The following SDR9C7 variants were observed in gnomAD, a reference collection of about 807,000 sequenced individuals.
SDR9C7 encodes short chain dehydrogenase/reductase family 9C member 7.
Under a neutral mutation model 23.6 loss-of-function variants are expected in SDR9C7, and 11 were observed. That is an observed-to-expected ratio of 0.47 (90% CI 0.29 to 0.77). SDR9C7 has a LOEUF of 0.77. SDR9C7 is among the 30% of genes least tolerant of loss of function. The pLI is 0.09. For synonymous variants in SDR9C7, 167 were observed against 157.3 expected, an observed-to-expected ratio of 1.06 and a Z score of -0.46; for missense variants, 387 against 407.1, an observed-to-expected ratio of 0.95 and a Z score of 0.42.
Position 56,930,450 on chromosome 12 carries a change from G to A in SDR9C7, c.336C>T (p.Gly112=). ...GCCATTCGTTGGGACCACTGGGCAG[G>A]CCCACACCAGCATTGTTCACCAGGG... The part of the protein sequence containing the change: ...LWALVNNAGV[G]LPSGPNEWLT... The change falls in exon 2 of 4, where the codon GGC becomes GGT. Residue 112 remains glycine (G), a synonymous_variant. Coordinates refer to ENST00000293502, the MANE Select transcript of SDR9C7 (RefSeq NM_148897.3). The A allele has an allele frequency of 1.2e-6, 2 of 1,614,080 alleles. No homozygotes were observed. The highest frequency in any genetic ancestry group is 1.7e-6 in the Non-Finnish European group (2 of 1,179,984).
intron 2 of SDR9C7, among the ~76,000 whole-genome samples, chr12:56,929,995 C>T (rs1443892788): frequency 6.6e-6 from 1 of 152,240 alleles, no homozygotes; most frequent in Non-Finnish European, 1.5e-5. Flanking sequence ...GTTTCACTCA[C>T]CCTGGTGCCG....
At position 56,923,812 on chromosome 12, in the gene SDR9C7, G is replaced by A. The variant is rs767390384; in HGVS notation, c.*21C>T. 1.3e-6 allele frequency: 2 copies of A among 1,545,904 alleles called. No homozygotes were observed. The highest frequency in any genetic ancestry group is 1.2e-5 in the South Asian group (1 of 83,338). ...TCCTCCCCCACTTCTAGGCTCCACT[G>A]ACCCATTGATCCTCCCCAGTTTAGA... On this transcript the variant is annotated 3_prime_UTR_variant, in exon 4 of 4. Transcript: ENST00000293502.
At chr12:56,927,583 G>C (rs1955742724) in intron 3 of SDR9C7, among the ~76,000 whole-genome samples, 1 of 152,212 alleles carries the variant, frequency 6.6e-6, no homozygotes, top group African/African-American at 2.4e-5. Flanking sequence ...GCAGTGATTG[G>C]TTTAGGGTTG....
In SDR9C7 at chr12:56,930,165, C is replaced by T. The variant is rs1955759209; in HGVS notation, c.560+61G>A. 4.4e-6 allele frequency: 7 copies of T among 1,585,900 alleles called. No homozygotes were observed. The South Asian group carries it at 8.0e-5, about 18-fold the overall frequency. ...TTCCCCTGCCCACATGCTGTCACTC[C>T]CAACCCTCTCTAATCTCTGGGATTT... On this transcript the variant is annotated intron_variant, in intron 2 of 3. Coordinates refer to ENST00000293502, the MANE Select transcript of SDR9C7 (RefSeq NM_148897.3).
rs751917282 is a variant in SDR9C7 at position 56,934,119 on chromosome 12, C to T, written c.143G>A (p.Arg48Gln). 54 of 1,614,102 alleles carry T rather than the reference C, an allele frequency of 3.3e-5. No homozygotes were observed. The highest frequency in any genetic ancestry group is 4.2e-5 in the Non-Finnish European group (49 of 1,180,052). The change falls in exon 1 of 4, where the codon CGG (arginine) becomes CAG (glutamine). Residue 48 changes from arginine to glutamine, a missense_variant. By Grantham distance (43) the Arg-to-Gln change is conservative. Transcript: ENST00000293502. ...GNLLAKQLVD[R>Q]GMQVLAACFT... ...GCAAGCAGCCAGCACCTGCATGCCC[C>T]GATCAACCAGCTGTTTGGCCAGCAG... is the stretch of plus-strand genomic sequence containing the variant.
At chr12:56,926,320 T>C (rs1555159120) in intron 3 of SDR9C7, among the ~76,000 whole-genome samples, 3 of 152,210 alleles carry the variant, frequency 2.0e-5, no homozygotes, top group Non-Finnish European at 4.4e-5. Context: ...TACAACTTCA[T>C]GTCTTTATCG....
At chr12:56,924,867 C>A (rs1458339656) in intron 3 of SDR9C7, among the ~76,000 whole-genome samples, 1 of 151,980 alleles carries the variant, frequency 6.6e-6, no homozygotes, top group Non-Finnish European at 1.5e-5. Flanking sequence ...GTTGCAGTGA[C>A]CCAAGATCGC....
At position 56,934,181 on chromosome 12, in the gene SDR9C7, G is replaced by A. The variant is rs747363628; in HGVS notation, c.81C>T (p.Tyr27=). The change falls in exon 1 of 4, where the codon TAC becomes TAT. Residue 27 remains tyrosine, a synonymous_variant. Transcript: ENST00000293502. The stretch of plus-strand genomic sequence containing the variant: ...CAGAGTCACAGCCTGTGATGAAGAC[G>A]TACTTCTCTGAGAGGTTGCCAACCA... The part of the protein sequence containing the change: ...CNLVGNLSEK[Y]VFITGCDSGF... 50 of 1,614,090 alleles carry A rather than the reference G, an allele frequency of 3.1e-5. No individual in the cohort carries two copies. Among genetic ancestry groups the A allele is most frequent in the East Asian group, 4.5e-5 (2 of 44,886 alleles).
At chr12:56,930,584 G>T in intron 1 of SDR9C7, 100 bp from the exon 2 acceptor site, 2 of 1,348,410 alleles carry the variant, frequency 1.5e-6, no homozygotes, top group South Asian at 2.7e-5. Context: ...GGTTGAGCAG[G>T]TGCACAAGAC....
chr12:56,928,847 G>A (rs550577129), intron 3 of SDR9C7, among the ~76,000 whole-genome samples: 1 of 152,242 alleles, frequency 6.6e-6, no homozygotes, highest in East Asian at 1.9e-4. Context: ...GAGTTGCCTA[G>A]AGACCCTCCC....
chr12:56,931,817 C>T (rs1273094067), intron 1 of SDR9C7, among the ~76,000 whole-genome samples: 2 of 152,118 alleles, frequency 1.3e-5, no homozygotes, highest in Admixed American at 1.3e-4. Flanking sequence ...GCCTCAGCAG[C>T]CCCAAGATAC....
chr12:56,932,691 C>G (rs1194165690), intron 1 of SDR9C7, among the ~76,000 whole-genome samples: 2 of 152,164 alleles, frequency 1.3e-5, no homozygotes, highest in African/African-American at 4.8e-5. Flanking sequence ...AATTAGCTCA[C>G]TCAAATCTAT....
intron 2 of SDR9C7, 142 bp downstream of exon 2, chr12:56,930,084 A>C (rs1955758572): frequency 9.9e-7 from 1 of 1,012,202 alleles, no homozygotes; most frequent in African/African-American, 1.6e-5. Flanking sequence ...CCTTGGAGAA[A>C]GCACCTTGAG....
Position 56,930,323 on chromosome 12 carries a change from C to A in SDR9C7, c.463G>T (p.Val155Phe). The change falls in exon 2 of 4, where the codon GTT becomes TTT. Residue 155 changes from valine (V) to phenylalanine (F), a missense_variant. By Grantham distance (50) the Val-to-Phe change is conservative. Coordinates refer to ENST00000293502, the MANE Select transcript of SDR9C7 (RefSeq NM_148897.3). ...CCACCAGAGCTGGACATGTTGACAA[C>A]CCTGCCCCGGGCTCTCTTGACCATG... is the stretch of plus-strand genomic sequence containing the variant. ...LPMVKRARGR[V>F]VNMSSSGGRV... 6.2e-7 allele frequency: 1 copy of A among 1,614,176 alleles called. No homozygotes were observed. Among genetic ancestry groups the A allele is most frequent in the South Asian group, 1.1e-5 (1 of 91,078 alleles).
chr12:56,933,479 C>T (rs920146387), intron 1 of SDR9C7, among the ~76,000 whole-genome samples: 1 of 152,182 alleles, frequency 6.6e-6, no homozygotes, highest in Non-Finnish European at 1.5e-5. Flanking sequence ...CTGCCTCAGC[C>T]TCCTGAGTAG....
chr12:56,927,727 AAG>A (rs1387515532), intron 3 of SDR9C7, among the ~76,000 whole-genome samples: 1 of 152,206 alleles, frequency 6.6e-6, no homozygotes, highest in African/African-American at 2.4e-5. Flanking sequence ...GGTGGAGGTG[AAG>A]AGAGGCTGCA....
intron 3 of SDR9C7, among the ~76,000 whole-genome samples, chr12:56,928,001 T>TAAC (rs1955744864): frequency 6.6e-6 from 1 of 152,246 alleles, no homozygotes; most frequent in South Asian, 2.1e-4. Context: ...CACAGAATCC[T>TAAC]AACATGTCTA....
intron 2 of SDR9C7, among the ~76,000 whole-genome samples, chr12:56,929,802 C>T (rs187779014): frequency 6.6e-6 from 1 of 152,326 alleles, no homozygotes; most frequent in Admixed American, 6.5e-5. Context: ...GAATCTAGGC[C>T]AAAGCCTTGC....
At chr12:56,930,578 G>T in intron 1 of SDR9C7, 94 bp from the exon 2 acceptor site, 1 of 1,402,098 alleles carries the variant, frequency 7.1e-7, no homozygotes, top group Non-Finnish European at 9.7e-7. Context: ...AAGGATGGTT[G>T]AGCAGGTGCA....
Sources: gnomAD v4.1 joint callset for allele counts (sites outside exome capture counted in the v4.1 genomes callset) on GRCh38, gnomAD v4.1.1 for gene constraint, MANE v1.5 for transcripts, NCBI Gene and HGNC (gene_info 2026-07-23, HGNC 2026-07-21) for gene names.